The following CPSF3 variants were observed in gnomAD, a reference collection of about 807,000 sequenced individuals.
CPSF3 encodes cleavage and polyadenylation specific factor 3, also known as cleavage and polyadenylation specificity factor subunit 3.
Under a neutral mutation model 84.1 loss-of-function variants are expected in CPSF3, and 57 were observed. That is an observed-to-expected ratio of 0.68 (90% confidence interval 0.55 to 0.85). CPSF3 has a LOEUF of 0.85. CPSF3 is among the 40% of genes least tolerant of loss of function. The pLI is 0.00. For synonymous variants in CPSF3, 275 were observed against 278.1 expected (o/e 0.99, Z 0.11); for missense variants, 522 against 838.8 (o/e 0.62, Z 4.66).
chr2:9,425,609 G>A (rs906535155), intron 1 of CPSF3, among the ~76,000 whole-genome samples: 11 of 152,170 alleles, frequency 7.2e-5, no homozygotes, highest in Admixed American at 7.2e-4. Context: ...GCAGGGCAGA[G>A]AGGATGTTAT....
At chr2:9,438,782 T>C (rs902975920) in intron 7 of CPSF3, among the ~76,000 whole-genome samples, 17 of 152,334 alleles carry the variant, frequency 1.1e-4, no homozygotes, top group African/African-American at 4.1e-4. Context: ...AACTGAGTAT[T>C]TGATATTTTT....
At chr2:9,469,229 A>T (rs1280852606) in intron 16 of CPSF3, among the ~76,000 whole-genome samples, 1 of 151,822 alleles carries the variant, frequency 6.6e-6, no homozygotes, top group African/African-American at 2.4e-5. Flanking sequence ...TAGATCCTTC[A>T]CCCCTTTGGC....
chr2:9,453,210 T>C (rs1681397668), intron 12 of CPSF3, among the ~76,000 whole-genome samples, 189 bp downstream of exon 12: 3 of 152,230 alleles, frequency 2.0e-5, no homozygotes, highest in African/African-American at 7.2e-5. Context: ...AAGATTGAAA[T>C]TATTGGTGAA....
At chr2:9,468,139 G>T (rs557301538) in intron 16 of CPSF3, among the ~76,000 whole-genome samples, 63 of 152,288 alleles carry the variant, frequency 4.1e-4, no homozygotes, top group African/African-American at 1.5e-3. Context: ...TGTTAAATGT[G>T]AATTCTTTGT....
At position 9,452,021 on chromosome 2, in the gene CPSF3, T is replaced by C. The variant is rs564274799; in HGVS notation, c.1396-892T>C. Among the ~76,000 whole-genome samples, 475 of 152,218 alleles carry C rather than the reference T, an allele frequency of 3.1e-3. 2 individuals carry two copies. The highest frequency in any genetic ancestry group is 6.1e-3 in the Admixed American group (93 of 15,292). Reference sequence around the variant, plus strand: ...GTGAGCCACCATGCCCGGCCATAAATGAAACTTTTTAAAAATGAATAGTGG... The same window carrying C: ...GTGAGCCACCATGCCCGGCCATAAACGAAACTTTTTAAAAATGAATAGTGG... On this transcript the variant is annotated intron_variant, in intron 11 of 17. Transcript: ENST00000238112.
intron 4 of CPSF3, among the ~76,000 whole-genome samples, chr2:9,431,552 CT>C (rs1203852978): frequency 4.7e-5 from 2 of 42,684 alleles, no homozygotes; most frequent in African/African-American, 1.4e-4. Flanking sequence ...TTTTTTTTTT[CT>C]TTTTTTTTTG....
At chr2:9,452,422 A>C (rs1034655911) in intron 11 of CPSF3, among the ~76,000 whole-genome samples, 4 of 151,904 alleles carry the variant, frequency 2.6e-5, no homozygotes, top group Non-Finnish European at 5.9e-5. Context: ...TTTCTCCCTC[A>C]ATGTATGAGC....
intron 6 of CPSF3, among the ~76,000 whole-genome samples, chr2:9,435,843 C>T (rs1387419472): frequency 2.0e-5 from 3 of 152,176 alleles, no homozygotes; most frequent in Non-Finnish European, 4.4e-5. Context: ...AACAGCTCTC[C>T]TGCCTCAGCC....
Position 9,467,696 on chromosome 2 carries a change from T to G in CPSF3, c.1787-11T>G. 1.3e-6 allele frequency: 2 copies of G among 1,597,946 alleles called. No individual in the cohort carries two copies. The highest frequency in any genetic ancestry group is 8.5e-7 in the Non-Finnish European group (1 of 1,172,846). ...AGAAACTGAACTCTCTGTCGCTTTTTTTTTTCCCAGGTGCAGTACAGAAGG... is the reference window on the plus strand; with the variant it reads ...AGAAACTGAACTCTCTGTCGCTTTTGTTTTTCCCAGGTGCAGTACAGAAGG... On this transcript the variant is annotated splice_polypyrimidine_tract_variant and intron_variant, in intron 15 of 17. Transcript: ENST00000238112.
At chr2:9,458,179 G>A (rs943130307) in intron 14 of CPSF3, among the ~76,000 whole-genome samples, 3 of 151,828 alleles carry the variant, frequency 2.0e-5, no homozygotes, top group African/African-American at 4.8e-5. Flanking sequence ...CAAGGCAGGT[G>A]AATCACCTGA....
chr2:9,463,817 A>G (rs938259542), intron 15 of CPSF3, among the ~76,000 whole-genome samples: 1 of 152,170 alleles, frequency 6.6e-6, no homozygotes, highest in Non-Finnish European at 1.5e-5. Context: ...AGCCGTGCGC[A>G]CTGGTTCATC....
At chr2:9,434,171 A>G (rs1444964563) in intron 6 of CPSF3, among the ~76,000 whole-genome samples, 1 of 152,124 alleles carries the variant, frequency 6.6e-6, no homozygotes, top group East Asian at 1.9e-4. Flanking sequence ...ACTTAAGGCC[A>G]GGAGTTAGAG....
rs1252081983 is a variant in CPSF3 at position 9,436,450 on chromosome 2, G to A, written c.760+89G>A. 23 of 1,353,350 alleles carry A rather than the reference G, an allele frequency of 1.7e-5. 1 individual carries two copies. The highest frequency in any genetic ancestry group is 4.6e-5 in the South Asian group (3 of 65,340). The allele number at this position is 1,353,350 out of a possible 1,614,324, so 83.8% of individuals were successfully genotyped here. On this transcript the variant is annotated intron_variant, in intron 7 of 17. Transcript: ENST00000238112. ...GTGGTCTTGGATGAGTCATTCCACC[G>A]TTCTGGACTTCAGTTTTCTTCATTT...
intron 6 of CPSF3, 106 bp from the exon 7 acceptor site, chr2:9,436,105 A>T: frequency 1.1e-6 from 1 of 892,152 alleles, no homozygotes; most frequent in Non-Finnish European, 1.7e-6. Context: ...ATGACATGCT[A>T]ATGGAGAAGT....
chr2:9,459,135 T>G (rs1681636176), intron 14 of CPSF3, among the ~76,000 whole-genome samples: 1 of 151,992 alleles, frequency 6.6e-6, no homozygotes, highest in Admixed American at 6.6e-5. Flanking sequence ...AATTACCCTC[T>G]TCGCATTCTG....
At chr2:9,461,656 C>T (rs1015200987) in intron 15 of CPSF3, among the ~76,000 whole-genome samples, 6 of 147,200 alleles carry the variant, frequency 4.1e-5, no homozygotes, top group African/African-American at 1.5e-4. Context: ...GGTGACAGAG[C>T]AATACTCCAT....
intron 11 of CPSF3, among the ~76,000 whole-genome samples, chr2:9,449,375 G>T (rs1366510650): frequency 6.6e-6 from 1 of 152,112 alleles, no homozygotes; most frequent in Admixed American, 6.6e-5. Flanking sequence ...GCGGTGAGCT[G>T]CGATCGCGCC....
intron 2 of CPSF3, 25 bp from the exon 3 acceptor site, chr2:9,429,898 T>G: frequency 6.9e-7 from 1 of 1,459,824 alleles, no homozygotes; most frequent in Non-Finnish European, 9.5e-7. Flanking sequence ...CAGGAGATTG[T>G]GATCTCTTTT....
chr2:9,466,404 ACGCG>A (rs1226667080), intron 15 of CPSF3, among the ~76,000 whole-genome samples: 1 of 143,632 alleles, frequency 7.0e-6, no homozygotes, highest in Non-Finnish European at 1.5e-5. Flanking sequence ...ACACACACGC[ACGCG>A]CACACACGCA....
Sources: allele counts gnomAD v4.1 joint callset (sites outside exome capture counted in the v4.1 genomes callset), GRCh38; gene constraint gnomAD v4.1.1; transcripts MANE v1.5; gene names NCBI Gene and HGNC (gene_info 2026-07-23, HGNC 2026-07-21).